CDK14: variants seen among roughly 807,000 people sequenced by gnomAD.
CDK14 encodes the protein cyclin-dependent kinase 14.
In CDK14, 34 loss-of-function variants were observed where a neutral mutation model predicts 60.7. The observed-to-expected ratio is 0.56, with a 90% CI of 0.43 to 0.75. CDK14 has a LOEUF of 0.75. Ranked by LOEUF, CDK14 falls within the 30% of genes least tolerant of loss-of-function variation. CDK14 has a pLI of 0.00. For missense variants in CDK14, 482 were observed against 564.1 expected (o/e 0.85, Z 1.47); for synonymous variants, 197 against 203.7 (o/e 0.97, Z 0.28).
intron 2 of CDK14, among the ~76,000 whole-genome samples, chr7:90,715,233 A>G (rs1035656629): frequency 2.0e-5 from 3 of 152,086 alleles, no homozygotes; most frequent in African/African-American, 7.2e-5. Flanking sequence ...GTGAAAACAA[A>G]CAGAATTCAG....
At chr7:91,022,278 A>C (rs1054449753) in intron 10 of CDK14, among the ~76,000 whole-genome samples, 4 of 152,172 alleles carry the variant, frequency 2.6e-5, no homozygotes, top group African/African-American at 9.7e-5. Flanking sequence ...CTCTTCGTAA[A>C]GGCTCATCAT....
At chr7:90,867,087 G>C (rs1791217511) in intron 6 of CDK14, among the ~76,000 whole-genome samples, 1 of 152,124 alleles carries the variant, frequency 6.6e-6, no homozygotes, top group Non-Finnish European at 1.5e-5. Context: ...AGGTCTTGTA[G>C]TTTGTAAGAC....
chr7:90,802,706 C>T (rs1219352680), intron 5 of CDK14, among the ~76,000 whole-genome samples: 2 of 152,024 alleles, frequency 1.3e-5, no homozygotes, highest in Admixed American at 6.6e-5. Context: ...GACATTATAT[C>T]CATCAAATAT....
chr7:91,210,047 A>T lies in CDK14; in HGVS notation c.*2911A>T, dbSNP rs1803019614. The T allele has an allele frequency of 6.6e-6, 1 of 152,642 alleles. No individual in the cohort carries two copies. The highest frequency in any genetic ancestry group is 1.5e-5 in the Non-Finnish European group (1 of 68,040). 9.5% of individuals were successfully genotyped at this position (152,642 alleles called of 1,614,324 possible). A position where few individuals can be genotyped will look rare whatever the true frequency, so the allele number is the denominator to read the frequency against. ...GGTTTTGTAATCTTTGTTATATAAG[A>T]GGATGTTTAGGCTGTATATACTGGG... is the stretch of plus-strand genomic sequence containing the variant. On this transcript the variant is annotated 3_prime_UTR_variant, in exon 15 of 15. Coordinates refer to ENST00000380050, the MANE Select transcript of CDK14 (RefSeq NM_001287135.2).
chr7:91,045,308 A>G (rs984831878), intron 10 of CDK14, among the ~76,000 whole-genome samples: 4 of 152,218 alleles, frequency 2.6e-5, no homozygotes, highest in Non-Finnish European at 5.9e-5. Flanking sequence ...TAGATGGAGA[A>G]AGAAGGTAGA....
intron 9 of CDK14, among the ~76,000 whole-genome samples, chr7:90,970,978 G>A (rs921004424): frequency 1.3e-5 from 2 of 151,806 alleles, no homozygotes; most frequent in African/African-American, 2.4e-5. Context: ...TGTGCACAAC[G>A]TGCAGGTTTG....
At chr7:90,679,370 A>G (rs1428304150) in intron 2 of CDK14, among the ~76,000 whole-genome samples, 2 of 152,242 alleles carry the variant, frequency 1.3e-5, no homozygotes, top group African/African-American at 4.8e-5. Flanking sequence ...AATACTTTAA[A>G]GCTTATTTAA....
chr7:90,711,884 GTTT>G (rs71104485), intron 2 of CDK14, among the ~76,000 whole-genome samples: 5 of 133,404 alleles, frequency 3.7e-5, no homozygotes, highest in South Asian at 4.7e-4. Context: ...AGTCTACTAT[GTTT>G]TTTTTTTTTT....
chr7:91,186,823 G>A (rs1263120809), intron 14 of CDK14, among the ~76,000 whole-genome samples: 2 of 152,094 alleles, frequency 1.3e-5, no homozygotes, highest in South Asian at 2.1e-4. Context: ...GGCTGTTGCC[G>A]ACCCTATAAA....
chr7:91,103,659 C>T (rs1175536955), intron 12 of CDK14, among the ~76,000 whole-genome samples: 1 of 152,132 alleles, frequency 6.6e-6, no homozygotes, highest in Non-Finnish European at 1.5e-5. Flanking sequence ...AGAGCTAGGA[C>T]AACTCTTAAA....
intron 12 of CDK14, among the ~76,000 whole-genome samples, chr7:91,096,993 T>A (rs532678436): frequency 4.6e-5 from 7 of 152,264 alleles, no homozygotes; most frequent in East Asian, 1.9e-4. Context: ...TGTCAAAAAT[T>A]TTTTCTTTTC....
intron 14 of CDK14, among the ~76,000 whole-genome samples, chr7:91,200,143 C>T (rs993383021): frequency 1.1e-4 from 16 of 152,270 alleles, no homozygotes; most frequent in Admixed American, 1.0e-3. Flanking sequence ...ATTAAATTCA[C>T]TCAAAGAATA....
chr7:90,825,152 T>C (rs751450210), intron 5 of CDK14, among the ~76,000 whole-genome samples: 2 of 152,188 alleles, frequency 1.3e-5, no homozygotes, highest in Admixed American at 6.5e-5. Context: ...AACTAAAGCT[T>C]ATGTGCATAG....
At chr7:90,706,664 A>C (rs1801902811) in intron 2 of CDK14, among the ~76,000 whole-genome samples, 1 of 152,214 alleles carries the variant, frequency 6.6e-6, no homozygotes, top group Non-Finnish European at 1.5e-5. Flanking sequence ...AATGGGAACA[A>C]GTCAGCCAAG....
rs1445464363 is a variant in CDK14 at position 91,037,637 on chromosome 7, C to T, written c.1042-8260C>T. ...ACACCAACCTGATACAGGATTCCAG[C>T]TGCCCCACTTTCTAGCTGTGCAACC... On this transcript the variant is annotated intron_variant, in intron 10 of 14. Coordinates refer to ENST00000380050, the MANE Select transcript of CDK14 (RefSeq NM_001287135.2). 2.0e-5 allele frequency among the ~76,000 whole-genome samples: 3 copies of T among 152,206 alleles called. No individual in the cohort carries two copies. The East Asian group carries it at 5.8e-4, about 29-fold the overall frequency.
At chr7:90,866,638 A>G (rs1791203140) in intron 6 of CDK14, among the ~76,000 whole-genome samples, 1 of 152,204 alleles carries the variant, frequency 6.6e-6, no homozygotes, top group East Asian at 1.9e-4. Flanking sequence ...ATTCTTATTT[A>G]TAATATGTAC....
At chr7:90,871,183 C>G (rs778389080) in intron 6 of CDK14, among the ~76,000 whole-genome samples, 8 of 151,990 alleles carry the variant, frequency 5.3e-5, no homozygotes, top group Non-Finnish European at 8.8e-5. Flanking sequence ...ATAATTAACA[C>G]TTAGGGTGAT....
At chr7:90,800,850 C>G (rs993534178) in intron 5 of CDK14, among the ~76,000 whole-genome samples, 1 of 152,158 alleles carries the variant, frequency 6.6e-6, no homozygotes, top group African/African-American at 2.4e-5. Context: ...GAAATTCTTG[C>G]TAGTTTTTTC....
rs899835504 is a variant in CDK14 at position 91,123,411 on chromosome 7, C to G, written c.*28+5203C>G. The stretch of plus-strand genomic sequence containing the variant: ...GTTGAAATGACGCTTAGAGGGGAAA[C>G]AAACCTTAGTGTTCTTTGCAGGTTT... On this transcript the variant is annotated intron_variant, in intron 14 of 14. Coordinates refer to ENST00000380050, the MANE Select transcript of CDK14 (RefSeq NM_001287135.2). Among the ~76,000 whole-genome samples, 6 of 152,166 alleles carry G rather than the reference C, an allele frequency of 3.9e-5. No homozygotes were observed. The South Asian group carries it at 1.2e-3, about 32-fold the overall frequency.
Sources: gnomAD v4.1 joint callset for allele counts (sites outside exome capture counted in the v4.1 genomes callset) on GRCh38, gnomAD v4.1.1 for gene constraint, MANE v1.5 for transcripts, NCBI Gene and HGNC (gene_info 2026-07-23, HGNC 2026-07-21) for gene names.